GOLGA4: variants seen among roughly 807,000 people sequenced by gnomAD.
GOLGA4 encodes golgin subfamily A member 4.
GOLGA4 carries 169 observed loss-of-function variants against 265.9 expected under a neutral mutation model. That is an observed-to-expected ratio of 0.64 (90% confidence interval 0.56 to 0.72). The LOEUF is 0.72. Among genes scored for constraint, GOLGA4 ranks in the 30% least tolerant of loss-of-function variants. The pLI is 0.00. For synonymous variants in GOLGA4, 923 were observed against 855.8 expected (o/e 1.08, Z -1.37); for missense variants, 2,482 against 2,483.4 (o/e 1.00, Z 0.01).
In GOLGA4 at chr3:37,324,139, G is replaced by A. The variant is rs76787280; in HGVS notation, c.2253G>A (p.Glu751=). The change falls in exon 14 of 24, where the codon GAG becomes GAA. Residue 751 remains glutamate, a synonymous_variant. Transcript: ENST00000361924. ...ACGAGGTATCTATCCAGAGGACTGA[G>A]AAGGCATTAAAAGATCAAATTAATC... ...KEHEVSIQRT[E]KALKDQINQL... 10,439 of 1,614,050 alleles carry A rather than the reference G, an allele frequency of 6.5e-3. 56 individuals carry two copies. The highest frequency in any genetic ancestry group is 8.1e-3 in the Non-Finnish European group (9,544 of 1,179,926).
At chr3:37,299,830 G>A (rs1055538266) in intron 9 of GOLGA4, among the ~76,000 whole-genome samples, 1 of 151,530 alleles carries the variant, frequency 6.6e-6, no homozygotes, top group Non-Finnish European at 1.5e-5. Context: ...CGGGAGGATT[G>A]CTTGAAGCCA....
chr3:37,266,211 G>C (rs1014197281), intron 2 of GOLGA4, among the ~76,000 whole-genome samples: 3 of 151,476 alleles, frequency 2.0e-5, no homozygotes, highest in Non-Finnish European at 4.4e-5. Flanking sequence ...CTGTCACCCA[G>C]GCTGGAGTGC....
intron 2 of GOLGA4, among the ~76,000 whole-genome samples, chr3:37,259,638 G>C (rs1403576466): frequency 6.6e-6 from 1 of 151,946 alleles, no homozygotes; most frequent in Non-Finnish European, 1.5e-5. Context: ...CCACTTTCTT[G>C]TTGCATATGC....
chr3:37,314,175 G>A (rs563991459), intron 10 of GOLGA4, among the ~76,000 whole-genome samples: 11 of 152,000 alleles, frequency 7.2e-5, no homozygotes, highest in South Asian at 2.1e-4. Flanking sequence ...TGGCCAGGCT[G>A]GTCTTGAACT....
At chr3:37,259,547 T>C (rs568401318) in intron 2 of GOLGA4, among the ~76,000 whole-genome samples, 3 of 152,370 alleles carry the variant, frequency 2.0e-5, no homozygotes, top group African/African-American at 7.2e-5. Context: ...TTTCATGATA[T>C]GAGTCTTCTT....
intron 23 of GOLGA4, among the ~76,000 whole-genome samples, chr3:37,365,749 T>G (rs1485644637): frequency 6.6e-6 from 1 of 152,128 alleles, no homozygotes; most frequent in Non-Finnish European, 1.5e-5. Flanking sequence ...ATTGCAAGAA[T>G]GTTAATTTTT....
At chr3:37,333,923 G>C (rs981272861) in intron 16 of GOLGA4, among the ~76,000 whole-genome samples, 9 of 152,156 alleles carry the variant, frequency 5.9e-5, no homozygotes, top group Admixed American at 5.9e-4. Flanking sequence ...AACTATGTTT[G>C]CATTTGTTTT....
At chr3:37,353,830 C>T (rs1481857776) in intron 21 of GOLGA4, among the ~76,000 whole-genome samples, 2 of 151,942 alleles carry the variant, frequency 1.3e-5, no homozygotes, top group African/African-American at 2.4e-5. Flanking sequence ...AGGACTCAAG[C>T]GATCCTCCCA....
chr3:37,259,239 C>T (rs901421520), intron 2 of GOLGA4, among the ~76,000 whole-genome samples: 2 of 152,142 alleles, frequency 1.3e-5, no homozygotes, highest in Non-Finnish European at 2.9e-5. Flanking sequence ...TCATTTATCT[C>T]ATTTGTTGGC....
Position 37,324,930 on chromosome 3 carries a change from G to A in GOLGA4, c.3044G>A (p.Ser1015Asn), listed in dbSNP as rs779784415. Residue 1015 changes from serine to asparagine, a missense_variant, in exon 14 of 24, where the codon AGT becomes AAT. By Grantham distance (46) the Ser-to-Asn change is conservative (BLOSUM62 1). Coordinates refer to ENST00000361924, the MANE Select transcript of GOLGA4 (RefSeq NM_002078.5). Reference sequence around the variant, plus strand: ...GCACAGGCTAACTCAGCTGGAATCAGTGATGCAGTGTCAAGACTGGAAACA... The same window carrying A: ...GCACAGGCTAACTCAGCTGGAATCAATGATGCAGTGTCAAGACTGGAAACA... ...EMAQANSAGI[S>N]DAVSRLETNQ... The A allele has an allele frequency of 5.0e-6, 8 of 1,612,670 alleles. No homozygotes were observed. In the South Asian group the frequency reaches 8.8e-5, roughly 18 times the overall value.
Position 37,327,537 on chromosome 3 carries a change from T to G in GOLGA4, c.5651T>G (p.Leu1884Ter). The G allele has an allele frequency of 6.2e-7, 1 of 1,613,736 alleles. No individual in the cohort carries two copies. The highest frequency in any genetic ancestry group is 8.5e-7 in the Non-Finnish European group (1 of 1,179,730). ...MEELTSKYEK[L>*]QALQQMDGRN... ...GAGTTGACCTCAAAATATGAAAAAT[T>G]ACAGGCTTTACAACAGATGGATGGA... Residue 1884 changes from leucine to a stop codon, truncating the protein, a stop_gained, in exon 14 of 24, where the codon TTA becomes TGA. Transcript: ENST00000361924. LOFTEE classifies it high-confidence loss of function.
chr3:37,282,305 T>C (rs1037697180), intron 3 of GOLGA4, 33 bp downstream of exon 3: 2 of 1,513,876 alleles, frequency 1.3e-6, no homozygotes, highest in Non-Finnish European at 9.1e-7. Flanking sequence ...TGTACAAAAA[T>C]TTCTTCCCCT....
Position 37,326,796 on chromosome 3 carries a change from TAGC to T in GOLGA4, c.4913_4915del (p.Ala1638del), listed in dbSNP as rs764753848. On this transcript the variant is annotated inframe_deletion, in exon 14 of 24. Coordinates refer to ENST00000361924, the MANE Select transcript of GOLGA4 (RefSeq NM_002078.5). ...CTTGAGTCAGAAAGTGCTGCAAAAT[TAGC>T]AGAGTTGAAGAGAAAAGCTGAACAA... 2.0e-4 allele frequency: 320 copies of T among 1,613,810 alleles called. No homozygotes were observed. Among genetic ancestry groups the T allele is most frequent in the South Asian group, 3.1e-4 (28 of 91,048 alleles).
At chr3:37,343,002 C>T (rs1167872545) in intron 20 of GOLGA4, among the ~76,000 whole-genome samples, 2 of 152,276 alleles carry the variant, frequency 1.3e-5, no homozygotes, top group East Asian at 3.9e-4. Flanking sequence ...TGGGTTCAAG[C>T]GATTCTTCTG....
intron 2 of GOLGA4, among the ~76,000 whole-genome samples, chr3:37,278,842 T>A (rs2096826814): frequency 6.7e-6 from 1 of 150,152 alleles, no homozygotes; most frequent in Non-Finnish European, 1.5e-5. Flanking sequence ...AGACAGAGTC[T>A]CTCTGTGTCA....
In GOLGA4 at chr3:37,283,196, A is replaced by G. The variant is rs78564213; in HGVS notation, c.477+924A>G. ...AAACAAAACAACCCAAATGAAATAT[A>G]CAAGATAAGATATCTTTTTAAACTG... On this transcript the variant is annotated intron_variant, in intron 3 of 23. Coordinates refer to ENST00000361924, the MANE Select transcript of GOLGA4 (RefSeq NM_002078.5). Among the ~76,000 whole-genome samples, 1,298 of 152,310 alleles carry G rather than the reference A, an allele frequency of 8.5e-3. 24 individuals are homozygous for G. Among genetic ancestry groups the G allele is most frequent in the African/African-American group, 0.03 (1,235 of 41,544 alleles).
At chr3:37,351,841 A>G (rs1232802884) in intron 21 of GOLGA4, among the ~76,000 whole-genome samples, 2 of 152,116 alleles carry the variant, frequency 1.3e-5, no homozygotes, top group Non-Finnish European at 2.9e-5. Context: ...GCACAGGCAG[A>G]GTAGAGTTAG....
chr3:37,246,467 T>A (rs2096719899), intron 1 of GOLGA4, among the ~76,000 whole-genome samples: 1 of 152,216 alleles, frequency 6.6e-6, no homozygotes, highest in South Asian at 2.1e-4. Context: ...TAAAACATTT[T>A]TAGCCTTTTC....
intron 21 of GOLGA4, among the ~76,000 whole-genome samples, chr3:37,352,993 C>T (rs545897197): frequency 6.6e-6 from 1 of 152,052 alleles, no homozygotes; most frequent in South Asian, 2.1e-4. Flanking sequence ...TACTTACAGA[C>T]CATTGTAGGG....
Sources: gnomAD v4.1 joint callset for allele counts (sites outside exome capture counted in the v4.1 genomes callset) on GRCh38, gnomAD v4.1.1 for gene constraint, MANE v1.5 for transcripts, NCBI Gene and HGNC (gene_info 2026-07-23, HGNC 2026-07-21) for gene names.